The following RBFOX1 variants were observed in gnomAD, a reference collection of about 807,000 sequenced individuals.
RBFOX1 encodes RNA binding protein fox-1 homolog 1.
Under a neutral mutation model 57.7 loss-of-function variants are expected in RBFOX1, and 8 were observed. That is an observed-to-expected ratio of 0.14 (90% CI 0.08 to 0.25). The LOEUF is 0.25. Ranked by LOEUF, RBFOX1 falls within the 10% of genes least tolerant of loss-of-function variation. The pLI is 1.00. For synonymous variants in RBFOX1, 326 were observed against 222.4 expected, an observed-to-expected ratio of 1.47 and a Z score of -4.15; for missense variants, 611 against 548.5, an observed-to-expected ratio of 1.11 and a Z score of -1.14.
chr16:7,560,312 C>T (rs1195442507), intron 5 of RBFOX1, among the ~76,000 whole-genome samples: 1 of 152,210 alleles, frequency 6.6e-6, no homozygotes, highest in Admixed American at 6.5e-5. Flanking sequence ...TTAGACGTGA[C>T]AGGTGCCTGC....
At chr16:7,175,878 T>C (rs1381480571) in intron 4 of RBFOX1, among the ~76,000 whole-genome samples, 3 of 152,186 alleles carry the variant, frequency 2.0e-5, no homozygotes, top group African/African-American at 7.2e-5. Flanking sequence ...CAGGTTCTTA[T>C]ATTAGCCCTC....
intron 2 of RBFOX1, among the ~76,000 whole-genome samples, chr16:5,534,046 G>T (rs1054401465): frequency 1.3e-5 from 2 of 152,150 alleles, no homozygotes; most frequent in African/African-American, 4.8e-5. Context: ...GGATGTGGTT[G>T]CCATGGGGAC....
In RBFOX1 at chr16:5,754,594, G is replaced by T. The variant is rs1050611870; in HGVS notation, c.319-112709G>T. On this transcript the variant is annotated intron_variant, in intron 3 of 19. Transcript: ENST00000641259. ...TCTGTGGGTGTTTCTCGAAGAGGGG[G>T]ATGTGTCAGGGTCACAAGACAATTG... is the stretch of plus-strand genomic sequence containing the variant. 2.2e-4 allele frequency among the ~76,000 whole-genome samples: 29 copies of T among 130,524 alleles called. No homozygotes were observed. In the East Asian group the frequency reaches 5.2e-3, roughly 23 times the overall value. 85.6% of individuals were successfully genotyped at this position (130,524 alleles called of 152,430 possible). A position where few individuals can be genotyped will look rare whatever the true frequency, so the allele number is the denominator to read the frequency against.
chr16:6,897,030 G>A (rs148099342), intron 3 of RBFOX1, among the ~76,000 whole-genome samples: 1 of 152,174 alleles, frequency 6.6e-6, no homozygotes, highest in East Asian at 1.9e-4. Context: ...AGCTCCCTGT[G>A]CCCAGACCTG....
intron 2 of RBFOX1, among the ~76,000 whole-genome samples, chr16:6,443,826 C>T (rs983686705): frequency 6.6e-6 from 1 of 152,084 alleles, no homozygotes; most frequent in Non-Finnish European, 1.5e-5. Context: ...CTCCATCTAG[C>T]TATCCATTCA....
intron 2 of RBFOX1, among the ~76,000 whole-genome samples, chr16:6,503,176 GT>G (rs1289514413): frequency 6.6e-6 from 1 of 150,448 alleles, no homozygotes; most frequent in African/African-American, 2.4e-5. Context: ...TTTATTATAT[GT>G]GATTTTTTTA....
intron 5 of RBFOX1, among the ~76,000 whole-genome samples, chr16:7,557,445 C>T (rs1192172103): frequency 2.0e-5 from 3 of 151,780 alleles, no homozygotes; most frequent in Middle Eastern, 3.4e-3. Flanking sequence ...CATGTTGAAA[C>T]CCCGACTTTA....
At chr16:7,339,065 G>A (rs1294248644) in intron 4 of RBFOX1, among the ~76,000 whole-genome samples, 1 of 152,194 alleles carries the variant, frequency 6.6e-6, no homozygotes, top group Non-Finnish European at 1.5e-5. Flanking sequence ...CAGGGAGGTG[G>A]CAGAGAGAAT....
intron 4 of RBFOX1, among the ~76,000 whole-genome samples, chr16:7,384,807 G>C (rs1352814519): frequency 6.6e-6 from 1 of 152,228 alleles, no homozygotes; most frequent in African/African-American, 2.4e-5. Context: ...GTGGTATAGA[G>C]TGTGAACAAA....
At chr16:5,831,518 G>A (rs1270039658) in intron 3 of RBFOX1, among the ~76,000 whole-genome samples, 1 of 121,908 alleles carries the variant, frequency 8.2e-6, no homozygotes, top group Non-Finnish European at 1.7e-5. Flanking sequence ...TTGAGATGGA[G>A]TTTCGCTCTT....
At chr16:5,640,638 C>G (rs1002782800) in intron 3 of RBFOX1, among the ~76,000 whole-genome samples, 2 of 151,568 alleles carry the variant, frequency 1.3e-5, no homozygotes, top group East Asian at 2.0e-4. Context: ...TGCATACACA[C>G]AAACACATGC....
rs73526866 is a variant in RBFOX1 at position 5,448,479 on chromosome 16, C to T, written c.220-18737C>T. On this transcript the variant is annotated intron_variant, in intron 1 of 2. Transcript: ENST00000585867. ...GTGGGCTGTTAAACAGAGCATTTCC[C>T]TGAAAATTACCTTACAAAGAAATCT... 1.8e-3 allele frequency among the ~76,000 whole-genome samples: 272 copies of T among 152,308 alleles called. 2 individuals are homozygous for T. The highest frequency in any genetic ancestry group is 6.4e-3 in the African/African-American group (265 of 41,572).
At chr16:5,468,007 G>T (rs1364992908) in intron 2 of RBFOX1, among the ~76,000 whole-genome samples, 2 of 152,166 alleles carry the variant, frequency 1.3e-5, no homozygotes, top group Non-Finnish European at 2.9e-5. Flanking sequence ...TGGCAAAGGA[G>T]GCTTTGTGGG....
intron 3 of RBFOX1, among the ~76,000 whole-genome samples, chr16:5,683,576 C>T (rs1480142607): frequency 6.6e-6 from 1 of 151,878 alleles, no homozygotes; most frequent in Admixed American, 6.6e-5. Context: ...GCTTCCAAGC[C>T]CACATCTTTC....
intron 4 of RBFOX1, among the ~76,000 whole-genome samples, chr16:7,100,387 C>T (rs973916648): frequency 6.6e-6 from 1 of 152,106 alleles, no homozygotes; most frequent in African/African-American, 2.4e-5. Context: ...TATCACTCAT[C>T]ACTCAACATT....
chr16:7,244,508 T>G (rs17142983), intron 4 of RBFOX1, among the ~76,000 whole-genome samples: 8,538 of 152,202 alleles, frequency 0.056, 657 homozygotes, highest in African/African-American at 0.17. Flanking sequence ...TAAGATTGTA[T>G]TTTTGGCATG....
intron 3 of RBFOX1, among the ~76,000 whole-genome samples, chr16:5,655,128 G>A (rs1358742513): frequency 6.6e-6 from 1 of 152,106 alleles, no homozygotes; most frequent in East Asian, 1.9e-4. Context: ...ATCTTCAAAT[G>A]GAACATATTT....
At chr16:6,804,948 T>C (rs528065024) in intron 3 of RBFOX1, among the ~76,000 whole-genome samples, 8 of 152,038 alleles carry the variant, frequency 5.3e-5, no homozygotes, top group African/African-American at 1.9e-4. Context: ...TTGGTCGGAG[T>C]GTAAATTAGT....
rs74008586 is a variant in RBFOX1 at position 7,059,627 on chromosome 16, C to G, written c.27+7529C>G. Among the ~76,000 whole-genome samples, 1,257 of 152,222 alleles carry G rather than the reference C, an allele frequency of 8.3e-3. 17 individuals are homozygous for G. Among genetic ancestry groups the G allele is most frequent in the African/African-American group, 0.028 (1,177 of 41,540 alleles). On this transcript the variant is annotated intron_variant, in intron 4 of 15. Transcript: ENST00000550418. ...AAGGGTATGAATAGAAGAAGCTTACCTGATTGACCTTCACTTATCAAACGT... is the reference window on the plus strand; with the variant it reads ...AAGGGTATGAATAGAAGAAGCTTACGTGATTGACCTTCACTTATCAAACGT...
Sources: gnomAD v4.1 joint callset for allele counts (sites outside exome capture counted in the v4.1 genomes callset) on GRCh38, gnomAD v4.1.1 for gene constraint, MANE v1.5 for transcripts, NCBI Gene and HGNC (gene_info 2026-07-23, HGNC 2026-07-21) for gene names.